THTPA: variants seen among roughly 807,000 people sequenced by gnomAD.
The protein encoded by THTPA is thiamine triphosphatase.
In THTPA, 16 loss-of-function variants were observed where a neutral mutation model predicts 16.5. The observed-to-expected ratio is 0.97, with a 90% CI of 0.66 to 1.47. THTPA has a LOEUF of 1.47. Among genes scored for constraint, THTPA ranks in the 40% most tolerant of loss-of-function variants. The pLI is 0.00. For synonymous variants in THTPA, 110 were observed against 115.5 expected, an observed-to-expected ratio of 0.95 and a Z score of 0.30; for missense variants, 281 against 280.9, an observed-to-expected ratio of 1.00 and a Z score of 0.00.
At chr14:23,526,577 G>C in the THTPA span, 1 of 1,535,722 alleles carries the variant, frequency 6.5e-7, no homozygotes, top group African/African-American at 1.4e-5. Flanking sequence ...TGGAGAAGGG[G>C]GTTGGCCAGG....
chr14:23,534,173 G>A, the THTPA span: 1 of 1,474,310 alleles, frequency 6.8e-7, no homozygotes, highest in Non-Finnish European at 9.0e-7. This position sits in a 1 kb window ranked among gnomAD's most constrained non-coding sequence, Gnocchi z 4.5. Flanking sequence ...GGGGGGCAGA[G>A]CCCTCCATCC....
At chr14:23,524,366 C>T in the THTPA span, 13 of 1,536,110 alleles carry the variant, frequency 8.5e-6, no homozygotes, top group East Asian at 2.4e-5. The surrounding 1 kb of genome is among the most constrained non-coding windows in gnomAD (Gnocchi z 5.6). Context: ...GGTGCGCAGG[C>T]GCTTGTCCCT....
At chr14:23,553,417 T>C (rs772456508), upstream of THTPA, among the ~76,000 whole-genome samples, 2 of 148,780 alleles carry the variant, frequency 1.3e-5, no homozygotes, top group South Asian at 2.1e-4. Flanking sequence ...CTGACCAACA[T>C]GGTGAAACCC....
chr14:23,524,900 C>T, the THTPA span: 1 of 1,536,360 alleles, frequency 6.5e-7, no homozygotes, highest in Non-Finnish European at 8.7e-7. The surrounding 1 kb of genome is among the most constrained non-coding windows in gnomAD (Gnocchi z 5.6). Flanking sequence ...CTCAAAAACA[C>T]AGGAGAAAGT....
At chr14:23,530,263 G>T in the THTPA span, 4 of 1,216,028 alleles carry the variant, frequency 3.3e-6, no homozygotes, top group Non-Finnish European at 4.7e-6. Flanking sequence ...ATAGGACAGA[G>T]GAAGCAGGAC....
chr14:23,523,418 T>G, the THTPA span: 1 of 1,531,332 alleles, frequency 6.5e-7, no homozygotes, highest in Non-Finnish European at 8.7e-7. This position sits in a 1 kb window ranked among gnomAD's most constrained non-coding sequence, Gnocchi z 4.1. Context: ...AACCGCCTCC[T>G]TGAGCTTGGC....
chr14:23,548,793 G>C, the THTPA span, among the ~76,000 whole-genome samples: 1 of 152,052 alleles, frequency 6.6e-6, no homozygotes, highest in African/African-American at 2.4e-5. Flanking sequence ...CTCTTCTGGG[G>C]CTTCGCCCAG....
chr14:23,559,959 G>T lies in THTPA; in HGVS notation c.*1119G>T. Reference sequence around the variant, plus strand: ...TCACCTTGTTAGGATTGAGGATTCTGAAGAGCTGGGTGATAGGAAGGCCAC... The same window carrying T: ...TCACCTTGTTAGGATTGAGGATTCTTAAGAGCTGGGTGATAGGAAGGCCAC... On this transcript the variant is annotated 3_prime_UTR_variant, in exon 2 of 2. Coordinates refer to ENST00000288014, the MANE Select transcript of THTPA (RefSeq NM_024328.6). The T allele has an allele frequency of 6.2e-7, 1 of 1,613,340 alleles. No homozygotes were observed. Among genetic ancestry groups the T allele is most frequent in the South Asian group, 1.1e-5 (1 of 90,944 alleles).
At chr14:23,526,383 G>A in the THTPA span, 4 of 1,536,238 alleles carry the variant, frequency 2.6e-6, no homozygotes, top group Non-Finnish European at 3.5e-6. Context: ...GGCCGGGCAG[G>A]GTCGAGAAAC....
At chr14:23,551,809 A>C (rs1024797618), upstream of THTPA, among the ~76,000 whole-genome samples, 1 of 152,106 alleles carries the variant, frequency 6.6e-6, no homozygotes, top group South Asian at 2.1e-4. This position sits in a 1 kb window ranked among gnomAD's most constrained non-coding sequence, Gnocchi z 5.3. Context: ...GAGCAGGTGC[A>C]GCGACCCGCC....
chr14:23,549,331 A>C, the THTPA span, among the ~76,000 whole-genome samples: 3 of 151,692 alleles, frequency 2.0e-5, no homozygotes, highest in African/African-American at 7.3e-5. Context: ...TTCTTTCTTT[A>C]ATTCTGTTCA....
chr14:23,531,162 C>T, the THTPA span: 203 of 237,358 alleles, frequency 8.6e-4, no homozygotes, highest in African/African-American at 4.0e-3. Flanking sequence ...CTACCCAGCT[C>T]CAGCCTGCCA....
At chr14:23,525,509 T>C in the THTPA span, 2 of 1,535,394 alleles carry the variant, frequency 1.3e-6, no homozygotes, top group Non-Finnish European at 1.7e-6. The surrounding 1 kb of genome is among the most constrained non-coding windows in gnomAD (Gnocchi z 5.9). Context: ...GGCCAGCTTG[T>C]CCCCACCCCC....
At chr14:23,526,073 C>A in the THTPA span, 2 of 1,536,520 alleles carry the variant, frequency 1.3e-6, no homozygotes, top group Non-Finnish European at 1.7e-6. Context: ...TTCTTGGCTG[C>A]GTTCTGGCCC....
Position 23,557,146 on chromosome 14 carries a change from T to G in THTPA, c.389T>G (p.Leu130Arg), listed in dbSNP as rs570387658. ...SFVTKRSAWK[L>R]VLLGADEEEP... ...GTGACTAAGCGGAGTGCCTGGAAGCTGGTGCTCTTGGGAGCTGATGAAGAG... is the reference window on the plus strand; with the variant it reads ...GTGACTAAGCGGAGTGCCTGGAAGCGGGTGCTCTTGGGAGCTGATGAAGAG... The change falls in exon 1 of 2, where the codon CTG (leucine) becomes CGG (arginine). Residue 130 changes from leucine (L) to arginine (R), a missense_variant. Leu to Arg is a moderately radical substitution (Grantham distance 102). Transcript: ENST00000288014. The G allele has an allele frequency of 6.2e-7, 1 of 1,614,148 alleles. No individual in the cohort carries two copies. Among genetic ancestry groups the G allele is most frequent in the South Asian group, 1.1e-5 (1 of 91,086 alleles).
chr14:23,559,949 T>C lies in THTPA; in HGVS notation c.*1109T>C, dbSNP rs1345150425. 4.3e-6 allele frequency: 7 copies of C among 1,613,058 alleles called. No homozygotes were observed. The highest frequency in any genetic ancestry group is 5.1e-6 in the Non-Finnish European group (6 of 1,179,410). ...CTCCTGAAGCTCACCTTGTTAGGATTGAGGATTCTGAAGAGCTGGGTGATA... is the reference window on the plus strand; with the variant it reads ...CTCCTGAAGCTCACCTTGTTAGGATCGAGGATTCTGAAGAGCTGGGTGATA... On this transcript the variant is annotated 3_prime_UTR_variant, in exon 2 of 2. Coordinates refer to ENST00000288014, the MANE Select transcript of THTPA (RefSeq NM_024328.6).
At chr14:23,548,803 G>A in the THTPA span, among the ~76,000 whole-genome samples, 1 of 152,280 alleles carries the variant, frequency 6.6e-6, no homozygotes, top group Non-Finnish European at 1.5e-5. Flanking sequence ...GCTTCGCCCA[G>A]TGGTATTCCT....
intron 1 of THTPA, 29 bp from the exon 2 acceptor site, chr14:23,558,666 T>A: frequency 1.2e-6 from 2 of 1,613,878 alleles, no homozygotes; most frequent in Non-Finnish European, 1.7e-6. Context: ...CTCTGTCCAT[T>A]TCTCTCCTCA....
the THTPA span, among the ~76,000 whole-genome samples, chr14:23,544,657 T>G: frequency 6.6e-6 from 1 of 152,170 alleles, no homozygotes; most frequent in East Asian, 1.9e-4. Flanking sequence ...CGGGCGTGTT[T>G]AGGGTGGTGG....
Sources: allele counts gnomAD v4.1 joint callset (sites outside exome capture counted in the v4.1 genomes callset), GRCh38; gene constraint gnomAD v4.1.1; non-coding constraint Gnocchi (gnomAD v3.1); transcripts MANE v1.5; gene names NCBI Gene and HGNC (gene_info 2026-07-23, HGNC 2026-07-21).